Variants in PRKG2 observed in about 807,000 individuals in gnomAD.
PRKG2 encodes the protein cGMP-dependent protein kinase 2.
In PRKG2, 33 loss-of-function variants were observed where a neutral mutation model predicts 97.2. The ratio of observed to expected loss-of-function variants is 0.34; its 90% CI spans 0.26 to 0.45. The LOEUF is 0.45. Ranked by LOEUF, PRKG2 falls within the 20% of genes least tolerant of loss-of-function variation. The pLI is 1.00. For synonymous variants in PRKG2, 330 were observed against 321.8 expected (o/e 1.03, Z -0.27); for missense variants, 638 against 900.0 (o/e 0.71, Z 3.73).
rs1010400696 is a variant in PRKG2 at position 81,088,371 on chromosome 4, G to A, written c.*1337C>T. 2.6e-5 allele frequency: 4 copies of A among 151,912 alleles called. No homozygotes were observed. The highest frequency in any genetic ancestry group is 1.3e-4 in the Admixed American group (2 of 15,226). The allele number at this position is 151,912 out of a possible 1,614,324, so 9.4% of individuals were successfully genotyped here. Reference sequence around the variant, plus strand: ...TATAACCAGAAGCTTGAATAATCCCGGAACTTATACAGTATTTTTACTCTG... The same window carrying A: ...TATAACCAGAAGCTTGAATAATCCCAGAACTTATACAGTATTTTTACTCTG... On this transcript the variant is annotated 3_prime_UTR_variant, in exon 19 of 19. Transcript: ENST00000264399.
In PRKG2 at chr4:81,169,590, T is replaced by G. The variant is rs749505716; in HGVS notation, c.848+73A>C. The G allele has an allele frequency of 3.8e-5, 41 of 1,091,020 alleles. No homozygotes were observed. The Middle Eastern group carries it at 5.9e-4, about 16-fold the overall frequency. The allele number at this position is 1,091,020 out of a possible 1,614,324, so 67.6% of individuals were successfully genotyped here. On this transcript the variant is annotated intron_variant, in intron 5 of 18. Transcript: ENST00000264399. ...GGAAGTAGCTATAGTTGAATAATTA[T>G]TCTGATAAAACCAATATATTCACAA...
chr4:81,210,132 A>G (rs1219231226), intron 1 of PRKG2, among the ~76,000 whole-genome samples: 3 of 152,096 alleles, frequency 2.0e-5, no homozygotes, highest in Non-Finnish European at 4.4e-5. Context: ...AAAACCCCCA[A>G]AAGACAACAT....
chr4:81,146,853 A>G (rs893678253), intron 9 of PRKG2, among the ~76,000 whole-genome samples: 2 of 152,178 alleles, frequency 1.3e-5, no homozygotes, highest in Non-Finnish European at 2.9e-5. Flanking sequence ...ATTCTAGTCT[A>G]TAAGTCATAG....
At chr4:81,162,861 T>G (rs1374693316) in intron 6 of PRKG2, among the ~76,000 whole-genome samples, 1 of 152,174 alleles carries the variant, frequency 6.6e-6, no homozygotes, top group Non-Finnish European at 1.5e-5. Flanking sequence ...CTTCAAGCTC[T>G]CCTGTTCCCA....
Position 81,171,754 on chromosome 4 carries a change from T to C in PRKG2, c.679A>G (p.Met227Val), listed in dbSNP as rs1486539212. ...QGEKLLSSIP[M>V]WTTFGELAIL... is the part of the protein sequence containing the mutation. ...GCAAGCTCCCCAAATGTGGTCCACA[T>C]AGGGATGGAGGACAGCAATTTCTCC... The change falls in exon 4 of 19, where the codon ATG becomes GTG. Residue 227 changes from methionine (M) to valine (V), a missense_variant. Physicochemically the swap from Met to Val is conservative, Grantham distance 21. This residue lies in a region of PRKG2 where 332 missense variants were observed against 421.7 expected (regional missense o/e 0.79). Transcript: ENST00000264399. 6 of 1,611,614 alleles carry C rather than the reference T, an allele frequency of 3.7e-6. No individual in the cohort carries two copies. The Admixed American group carries it at 5.0e-5, about 14-fold the overall frequency.
chr4:81,120,072 C>T (rs756820129), intron 14 of PRKG2, among the ~76,000 whole-genome samples: 1 of 152,140 alleles, frequency 6.6e-6, no homozygotes, highest in African/African-American at 2.4e-5. Context: ...GCAACCTAAC[C>T]TAGTAGGTAG....
In PRKG2 at chr4:81,215,068, C is replaced by G. The variant is rs909700859; in HGVS notation, c.-146G>C. The G allele has an allele frequency of 1.3e-5, 2 of 152,372 alleles. No individual in the cohort carries two copies. The highest frequency in any genetic ancestry group is 4.8e-5 in the African/African-American group (2 of 41,476). 9.4% of individuals were successfully genotyped at this position (152,372 alleles called of 1,614,324 possible). A position where few individuals can be genotyped will look rare whatever the true frequency, so the allele number is the denominator to read the frequency against. ...GGAGCCCAGCGCAGGTCAGCTCAGC[C>G]AGCCCCGCCGTGCACACGGTGCGCA... On this transcript the variant is annotated 5_prime_UTR_variant, in exon 1 of 19. Transcript: ENST00000264399.
chr4:81,190,312 C>T (rs953712615), intron 2 of PRKG2, among the ~76,000 whole-genome samples: 1 of 152,036 alleles, frequency 6.6e-6, no homozygotes, highest in African/African-American at 2.4e-5. Flanking sequence ...AACAAGCAAT[C>T]TGATCTTTGA....
At chr4:81,112,231 T>C (rs1372575560) in intron 14 of PRKG2, among the ~76,000 whole-genome samples, 1 of 152,150 alleles carries the variant, frequency 6.6e-6, no homozygotes, top group Non-Finnish European at 1.5e-5. Flanking sequence ...GATTTTTTCA[T>C]CCACACAGAA....
chr4:81,168,917 A>G lies in PRKG2; in HGVS notation c.848+746T>C, dbSNP rs139770107. 2.2e-3 allele frequency among the ~76,000 whole-genome samples: 340 copies of G among 152,032 alleles called. 5 individuals are homozygous for G. Among genetic ancestry groups the G allele is most frequent in the African/African-American group, 7.8e-3 (322 of 41,542 alleles). ...ATATTATTATTAATATTATTATTAC[A>G]TATCATAGATAACATTTCATTATAG... On this transcript the variant is annotated intron_variant, in intron 5 of 18. Transcript: ENST00000264399.
chr4:81,205,167 T>C (rs1298798414), intron 1 of PRKG2, 107 bp from the exon 2 acceptor site: 1 of 677,156 alleles, frequency 1.5e-6, no homozygotes, highest in African/African-American at 1.8e-5. Flanking sequence ...CACAGTAATC[T>C]TCATTGTTTG....
intron 5 of PRKG2, among the ~76,000 whole-genome samples, chr4:81,169,429 A>C (rs1172874920): frequency 2.0e-5 from 3 of 152,058 alleles, no homozygotes. Context: ...TCACTCTATC[A>C]ATACAAGGGC....
chr4:81,158,357 G>C (rs1227389916), intron 6 of PRKG2, among the ~76,000 whole-genome samples: 2 of 149,364 alleles, frequency 1.3e-5, no homozygotes, highest in Non-Finnish European at 2.9e-5. Flanking sequence ...AAAATACCTA[G>C]GAATCCAACT....
intron 9 of PRKG2, among the ~76,000 whole-genome samples, chr4:81,145,729 C>A (rs894728245): frequency 1.3e-5 from 2 of 152,180 alleles, no homozygotes; most frequent in Non-Finnish European, 2.9e-5. Flanking sequence ...TATTAGGGTA[C>A]TTCTTTTCCC....
chr4:81,104,298 G>C, intron 17 of PRKG2, 72 bp downstream of exon 17: 1 of 1,163,496 alleles, frequency 8.6e-7, no homozygotes, highest in East Asian at 3.0e-5. Context: ...GGCCTCCTGA[G>C]AGAAGCTTTT....
intron 17 of PRKG2, among the ~76,000 whole-genome samples, chr4:81,095,777 A>T (rs1283498106): frequency 7.2e-5 from 11 of 152,218 alleles, no homozygotes; most frequent in African/African-American, 2.7e-4. Flanking sequence ...AAGTAATTTC[A>T]AAGACTAGAA....
At chr4:81,119,676 G>T (rs1282930654) in intron 14 of PRKG2, among the ~76,000 whole-genome samples, 1 of 147,992 alleles carries the variant, frequency 6.8e-6, no homozygotes, top group Non-Finnish European at 1.5e-5. Context: ...AAACTGAATT[G>T]AATTTTTTTT....
chr4:81,141,065 C>A (rs996778298), intron 11 of PRKG2, among the ~76,000 whole-genome samples: 1 of 152,038 alleles, frequency 6.6e-6, no homozygotes, highest in Non-Finnish European at 1.5e-5. Flanking sequence ...GCCCAGAATG[C>A]AGTGGTGCAA....
chr4:81,199,394 G>A (rs1239985594), intron 2 of PRKG2, among the ~76,000 whole-genome samples: 1 of 152,106 alleles, frequency 6.6e-6, no homozygotes, highest in Non-Finnish European at 1.5e-5. Context: ...CAATAAAAAG[G>A]TCAAGAGTCC....
Sources: allele counts gnomAD v4.1 joint callset (sites outside exome capture counted in the v4.1 genomes callset), GRCh38; gene constraint gnomAD v4.1.1; regional missense constraint gnomAD v4.1.1; transcripts MANE v1.5; gene names NCBI Gene and HGNC (gene_info 2026-07-23, HGNC 2026-07-21).